Variants in NR1H4 observed in about 807,000 individuals in gnomAD.
NR1H4 encodes nuclear receptor subfamily 1 group H member 4, also known as bile acid receptor.
A neutral mutation model predicts 58.5 loss-of-function variants in NR1H4; 23 were observed. The ratio of observed to expected loss-of-function variants is 0.39; its 90% CI spans 0.28 to 0.56. The LOEUF (loss-of-function observed/expected upper bound fraction) is 0.56. Ranked by LOEUF, NR1H4 falls within the 20% of genes least tolerant of loss-of-function variation. NR1H4 has a pLI of 0.58. For missense variants in NR1H4, 487 were observed against 576.9 expected, an observed-to-expected ratio of 0.84 and a Z score of 1.60; for synonymous variants, 214 against 198.0, an observed-to-expected ratio of 1.08 and a Z score of -0.68.
intron 4 of NR1H4, among the ~76,000 whole-genome samples, chr12:100,520,681 T>G (rs1593087370): frequency 6.6e-6 from 1 of 152,088 alleles, no homozygotes; most frequent in Admixed American, 6.5e-5. Flanking sequence ...GAAGCCAGAG[T>G]GCTGCCACAG....
At chr12:100,507,456 GTTTTGT>G (rs146177870) in intron 3 of NR1H4, among the ~76,000 whole-genome samples, 5,509 of 151,336 alleles carry the variant, frequency 0.036, 349 homozygotes, top group East Asian at 0.29. Flanking sequence ...ATTTTATTTT[GTTTTGT>G]TTTTGTTTTT....
intron 4 of NR1H4, among the ~76,000 whole-genome samples, chr12:100,512,173 C>T (rs997294113): frequency 6.6e-6 from 1 of 152,060 alleles, no homozygotes; most frequent in Non-Finnish European, 1.5e-5. Flanking sequence ...GTTGAGGCTG[C>T]AGTGAGCCGT....
At chr12:100,506,517 G>GT (rs1446629969) in intron 3 of NR1H4, among the ~76,000 whole-genome samples, 1 of 151,610 alleles carries the variant, frequency 6.6e-6, no homozygotes, top group Non-Finnish European at 1.5e-5. Flanking sequence ...GGTTTTTTTT[G>GT]TTTTTTGAGA....
intron 1 of NR1H4, among the ~76,000 whole-genome samples, chr12:100,486,242 A>G (rs903868326): frequency 4.6e-5 from 7 of 152,218 alleles, no homozygotes; most frequent in African/African-American, 1.7e-4. Flanking sequence ...ACTAGACCAA[A>G]GCTATTATTT....
At chr12:100,510,350 C>T (rs191680617) in intron 3 of NR1H4, among the ~76,000 whole-genome samples, 2 of 152,016 alleles carry the variant, frequency 1.3e-5, no homozygotes, top group Non-Finnish European at 2.9e-5. Flanking sequence ...ACTTTTTAAA[C>T]CCTCACACAT....
rs554161790 is a variant in NR1H4 at position 100,530,208 on chromosome 12, T to C, written c.446-2250T>C. Among the ~76,000 whole-genome samples, 7 of 152,318 alleles carry C rather than the reference T, an allele frequency of 4.6e-5. No individual in the cohort carries two copies. The East Asian group carries it at 5.8e-4, about 13-fold the overall frequency. On this transcript the variant is annotated intron_variant, in intron 4 of 10. Transcript: ENST00000392986. ...TAACCCAAGGGTGGCAATTGCAAGA[T>C]AGTAAAGAGTACAGGCTTTAGTGCA...
Position 100,536,512 on chromosome 12 carries a change from G to C in NR1H4, c.733G>C (p.Glu245Gln), listed in dbSNP as rs760858330. ...QVTSTTKSCR[E>Q]KTELTPDQQT... ...ACCTTTTATTTTCTTGCCAGTGTAG[G>C]AGAAAACTGAACTCACCCCAGATCA... The change falls in exon 7 of 11, where the codon GAG becomes CAG. Residue 245 changes from glutamate to glutamine, a missense_variant and splice_region_variant. Transcript: ENST00000392986. 5 of 1,589,534 alleles carry C rather than the reference G, an allele frequency of 3.1e-6. No individual in the cohort carries two copies. The highest frequency in any genetic ancestry group is 4.3e-6 in the Non-Finnish European group (5 of 1,158,156).
intron 1 of NR1H4, among the ~76,000 whole-genome samples, chr12:100,475,287 AC>A (rs1424193767): frequency 6.6e-6 from 1 of 151,970 alleles, no homozygotes; most frequent in African/African-American, 2.4e-5. Context: ...TTACGTTCCT[AC>A]CCCCAGTCCT....
chr12:100,490,503 T>G (rs953318449), intron 1 of NR1H4, among the ~76,000 whole-genome samples: 1 of 152,154 alleles, frequency 6.6e-6, no homozygotes, highest in Non-Finnish European at 1.5e-5. Context: ...ACCGTTCACA[T>G]TGTGGGTTCC....
At chr12:100,496,129 C>A (rs1953710334) in intron 3 of NR1H4, among the ~76,000 whole-genome samples, 1 of 152,162 alleles carries the variant, frequency 6.6e-6, no homozygotes, top group Non-Finnish European at 1.5e-5. Flanking sequence ...ATATCGGACA[C>A]TGACAATACG....
intron 4 of NR1H4, among the ~76,000 whole-genome samples, chr12:100,516,786 A>G (rs1954278399): frequency 6.6e-6 from 1 of 152,228 alleles, no homozygotes; most frequent in Admixed American, 6.5e-5. Flanking sequence ...TATCATTTCC[A>G]AAACAAGCTA....
At position 100,563,430 on chromosome 12, in the gene NR1H4, T is replaced by C; in HGVS notation, c.1372T>C (p.Trp458Arg). The C allele has an allele frequency of 1.9e-6, 3 of 1,614,196 alleles. No homozygotes were observed. Among genetic ancestry groups the C allele is most frequent in the Non-Finnish European group, 2.5e-6 (3 of 1,180,042 alleles). The change falls in exon 11 of 11, where the codon TGG (tryptophan) becomes CGG (arginine). Residue 458 changes from tryptophan (W) to arginine (R), a missense_variant. Physicochemically the swap from Trp to Arg is moderately radical, Grantham distance 101. Transcript: ENST00000392986. Reference protein sequence around the residue: ...NHHHAEMLMSWRVNDHKFTPL... With the variant: ...NHHHAEMLMSRRVNDHKFTPL... ...TCACCACGCTGAGATGCTGATGTCA[T>C]GGAGAGTAAACGACCACAAGTTTAC...
intron 9 of NR1H4, among the ~76,000 whole-genome samples, chr12:100,560,963 G>A (rs900227909): frequency 6.6e-6 from 1 of 152,050 alleles, no homozygotes; most frequent in African/African-American, 2.4e-5. Flanking sequence ...GGAAAGAAGT[G>A]GATTTGGAGA....
At chr12:100,539,196 C>T (rs1234200750) in intron 8 of NR1H4, among the ~76,000 whole-genome samples, 2 of 151,542 alleles carry the variant, frequency 1.3e-5, no homozygotes, top group Non-Finnish European at 2.9e-5. Flanking sequence ...ATGAGTAAAG[C>T]AGAAGGAAAA....
intron 1 of NR1H4, among the ~76,000 whole-genome samples, chr12:100,487,303 A>T (rs1340424566): frequency 6.6e-6 from 1 of 152,240 alleles, no homozygotes; most frequent in Non-Finnish European, 1.5e-5. Flanking sequence ...ATTTTCTGCA[A>T]TGACCCTTTT....
chr12:100,532,833 C>T (rs1954728064), intron 5 of NR1H4, among the ~76,000 whole-genome samples: 1 of 152,166 alleles, frequency 6.6e-6, no homozygotes, highest in South Asian at 2.1e-4. Context: ...TTCTTTGTCG[C>T]AGTGAACTAT....
At position 100,520,129 on chromosome 12, in the gene NR1H4, G is replaced by A. The variant is rs561662752; in HGVS notation, c.445+8986G>A. On this transcript the variant is annotated intron_variant, in intron 4 of 10. Coordinates refer to ENST00000392986, the MANE Select transcript of NR1H4 (RefSeq NM_001206979.2). ...GCTGCTCAGCCAACCTGGTTTCCCC[G>A]CTGACCCCGCAGCCCACTTCCCCCA... Among the ~76,000 whole-genome samples the A allele has an allele frequency of 9.3e-4, 141 of 152,088 alleles. 1 individual carries two copies. The highest frequency in any genetic ancestry group is 3.2e-3 in the African/African-American group (131 of 41,482).
intron 9 of NR1H4, among the ~76,000 whole-genome samples, chr12:100,541,195 T>C (rs1392000982): frequency 2.0e-5 from 3 of 152,202 alleles, no homozygotes; most frequent in African/African-American, 4.8e-5. Flanking sequence ...CTATTATATA[T>C]CTGTATCAAA....
At chr12:100,528,324 G>A (rs910795698) in intron 4 of NR1H4, among the ~76,000 whole-genome samples, 9 of 151,796 alleles carry the variant, frequency 5.9e-5, no homozygotes, top group Admixed American at 2.0e-4. Flanking sequence ...CTGAGATCAC[G>A]CCACTGCACT....
Sources: allele counts gnomAD v4.1 joint callset (sites outside exome capture counted in the v4.1 genomes callset), GRCh38; gene constraint gnomAD v4.1.1; transcripts MANE v1.5; gene names NCBI Gene and HGNC (gene_info 2026-07-23, HGNC 2026-07-21).